The following USP20 variants were observed in gnomAD, a reference collection of about 807,000 sequenced individuals.
The protein encoded by USP20 is ubiquitin carboxyl-terminal hydrolase 20.
In USP20, 80 loss-of-function variants were observed where a neutral mutation model predicts 124.2. The observed-to-expected ratio is 0.64, with a 90% CI of 0.54 to 0.78. USP20 has a LOEUF of 0.78. USP20 is among the 30% of genes least tolerant of loss of function. USP20 has a pLI of 0.00. For missense variants in USP20, 1,043 were observed against 1,244.4 expected, an observed-to-expected ratio of 0.84 and a Z score of 2.44; for synonymous variants, 481 against 512.3, an observed-to-expected ratio of 0.94 and a Z score of 0.83.
intron 15 of USP20, among the ~76,000 whole-genome samples, chr9:129,871,850 G>C (rs2034144517): frequency 6.6e-6 from 1 of 152,014 alleles, no homozygotes; most frequent in African/African-American, 2.4e-5. Context: ...CCGAGTAGCT[G>C]GGATTACAGG....
intron 15 of USP20, among the ~76,000 whole-genome samples, chr9:129,873,235 C>A (rs998756025): frequency 6.6e-6 from 1 of 151,872 alleles, no homozygotes; most frequent in Non-Finnish European, 1.5e-5. Context: ...AGGCACGCAC[C>A]ACCACGTCCA....
chr9:129,879,572 G>T lies in USP20; in HGVS notation c.2513-1G>T. On this transcript the variant is annotated splice_acceptor_variant, in intron 23 of 25. Coordinates refer to ENST00000372429, the MANE Select transcript of USP20 (RefSeq NM_001110303.4). LOFTEE classifies it high-confidence loss of function. This position sits in a 1 kb window ranked among gnomAD's most constrained non-coding sequence, Gnocchi z 4.2. ...ACCCGAGCCCGCTGTGTCTGTTGCAGAGCCCCCCGGGCCCATTGACAACAG... is the reference window on the plus strand; with the variant it reads ...ACCCGAGCCCGCTGTGTCTGTTGCATAGCCCCCCGGGCCCATTGACAACAG... 1 of 1,613,456 alleles carries T rather than the reference G, an allele frequency of 6.2e-7. No individual in the cohort carries two copies. Among genetic ancestry groups the T allele is most frequent in the Non-Finnish European group, 8.5e-7 (1 of 1,179,890 alleles).
At chr9:129,837,343 C>T (rs2031920107) in intron 1 of USP20, among the ~76,000 whole-genome samples, 1 of 152,084 alleles carries the variant, frequency 6.6e-6, no homozygotes, top group South Asian at 2.1e-4. Context: ...TGTACAGATT[C>T]AACCTAGGTT....
intron 10 of USP20, among the ~76,000 whole-genome samples, chr9:129,867,722 CG>C (rs1193932339): frequency 6.6e-6 from 1 of 152,100 alleles, no homozygotes; most frequent in Non-Finnish European, 1.5e-5. Context: ...GAGCCGGAGC[CG>C]GGGAGTTGCA....
intron 1 of USP20, among the ~76,000 whole-genome samples, chr9:129,837,547 G>A (rs1207318152): frequency 6.6e-6 from 1 of 151,034 alleles, no homozygotes; most frequent in Non-Finnish European, 1.5e-5. Context: ...TACTATATGA[G>A]CAGGCACTGT....
chr9:129,854,895 T>A (rs1203277149), intron 3 of USP20, among the ~76,000 whole-genome samples: 1 of 152,082 alleles, frequency 6.6e-6, no homozygotes, highest in Non-Finnish European at 1.5e-5. Flanking sequence ...CTGGGTGTAG[T>A]GACAATGAGA....
rs368789991 is a variant in USP20 at position 129,840,094 on chromosome 9, G to A, written c.-129+4595G>A. Among the ~76,000 whole-genome samples, 3 of 151,682 alleles carry A rather than the reference G, an allele frequency of 2.0e-5. No homozygotes were observed. In the East Asian group the frequency reaches 5.9e-4, roughly 30 times the overall value. ...GGAGGCTCTGGTGGGCCGGGAGGGC[G>A]GGGCACACGCTGCACCTTGCTGACT... is the stretch of plus-strand genomic sequence containing the variant. On this transcript the variant is annotated intron_variant, in intron 1 of 25. Transcript: ENST00000372429.
intron 10 of USP20, among the ~76,000 whole-genome samples, chr9:129,866,457 A>C (rs1188922163): frequency 7.2e-6 from 1 of 139,238 alleles, no homozygotes; most frequent in African/African-American, 2.5e-5. Flanking sequence ...TGAGGCTCAG[A>C]GAGGTTCTAC....
intron 1 of USP20, among the ~76,000 whole-genome samples, chr9:129,847,577 A>G (rs936248179): frequency 2.6e-5 from 4 of 152,196 alleles, no homozygotes; most frequent in African/African-American, 9.7e-5. Context: ...CTGGGATTAC[A>G]GGTGTGAGCC....
intron 1 of USP20, among the ~76,000 whole-genome samples, chr9:129,836,254 G>T (rs1332157337): frequency 2.6e-5 from 4 of 152,174 alleles, no homozygotes; most frequent in Admixed American, 6.5e-5. Context: ...CCTTTTCTCA[G>T]TGTCATCCCT....
chr9:129,872,255 C>T (rs901958586), intron 15 of USP20, among the ~76,000 whole-genome samples: 1 of 152,000 alleles, frequency 6.6e-6, no homozygotes, highest in Non-Finnish European at 1.5e-5. Flanking sequence ...TGGGTGCAAG[C>T]AGTCCTCCCA....
chr9:129,846,228 C>CATATATATATAT (rs1159489842), intron 1 of USP20, among the ~76,000 whole-genome samples: 4 of 59,416 alleles, frequency 6.7e-5, no homozygotes, highest in African/African-American at 1.5e-4. Flanking sequence ...TGCGCCCAGC[C>CATATATATATAT]ATATATATAT....
chr9:129,868,810 G>A (rs989624646), intron 11 of USP20, 52 bp from the exon 12 acceptor site: 52 of 1,508,840 alleles, frequency 3.4e-5, no homozygotes, highest in Middle Eastern at 2.3e-4. Flanking sequence ...CTGCCCACTC[G>A]TGGAGCTGGC....
At chr9:129,852,089 T>G (rs2032952621) in intron 2 of USP20, among the ~76,000 whole-genome samples, 1 of 152,176 alleles carries the variant, frequency 6.6e-6, no homozygotes, top group Non-Finnish European at 1.5e-5. Context: ...ATCTGCTGCT[T>G]GCCTTTTTGA....
intron 10 of USP20, among the ~76,000 whole-genome samples, chr9:129,866,230 A>AC (rs1464989408): frequency 8.1e-6 from 1 of 124,026 alleles, no homozygotes; most frequent in Admixed American, 8.3e-5. Flanking sequence ...TCCGCCCTCT[A>AC]CCCCCTGCCT....
intron 3 of USP20, among the ~76,000 whole-genome samples, chr9:129,853,352 C>A (rs148126470): frequency 3.3e-5 from 5 of 152,336 alleles, no homozygotes; most frequent in Admixed American, 6.5e-5. Context: ...AGACAGCTTT[C>A]ACATTTGTTA....
chr9:129,869,283 T>C, intron 12 of USP20, 27 bp from the exon 13 acceptor site: 1 of 1,595,300 alleles, frequency 6.3e-7, no homozygotes, highest in South Asian at 1.1e-5. Context: ...AGGTGGAGGC[T>C]GGGCTAGTCC....
intron 15 of USP20, 22 bp from the exon 16 acceptor site, chr9:129,873,460 A>G: frequency 6.2e-7 from 1 of 1,613,914 alleles, no homozygotes; most frequent in South Asian, 1.1e-5. Flanking sequence ...CTAACCTCTG[A>G]CCCTTTGTTT....
intron 1 of USP20, among the ~76,000 whole-genome samples, chr9:129,836,876 AG>A (rs3841454): frequency 0.16 from 24,667 of 152,112 alleles, 2,410 homozygotes; most frequent in Non-Finnish European, 0.21. Context: ...GCAGGAGTCC[AG>A]GGGGTCAACG....
Sources: gnomAD v4.1 joint callset for allele counts (sites outside exome capture counted in the v4.1 genomes callset) on GRCh38, gnomAD v4.1.1 for gene constraint, Gnocchi (gnomAD v3.1) non-coding constraint, MANE v1.5 for transcripts, NCBI Gene and HGNC (gene_info 2026-07-23, HGNC 2026-07-21) for gene names.